The following COL8A1 variants were observed in gnomAD, a reference collection of about 807,000 sequenced individuals.
COL8A1 encodes the protein collagen type VIII alpha 1 chain.
In COL8A1, 21 loss-of-function variants were observed where a neutral mutation model predicts 42.7. The observed-to-expected ratio is 0.49, with a 90% CI of 0.35 to 0.71. The LOEUF (loss-of-function observed/expected upper bound fraction) is 0.71, where lower values mean the gene tolerates loss of function less well. Ranked by LOEUF, COL8A1 falls within the 30% of genes least tolerant of loss-of-function variation. The pLI, the probability that COL8A1 is intolerant of heterozygous loss-of-function variation, is 0.01. For synonymous variants in COL8A1, 367 were observed against 369.1 expected (o/e 0.99, Z 0.06); for missense variants, 788 against 962.4 (o/e 0.82, Z 2.40).
chr3:99,702,634 A>G (rs1052578894), intron 1 of COL8A1, among the ~76,000 whole-genome samples: 1 of 152,196 alleles, frequency 6.6e-6, no homozygotes, highest in Non-Finnish European at 1.5e-5. Flanking sequence ...TACTATTCTA[A>G]GTACTTTTAT....
intron 2 of COL8A1, among the ~76,000 whole-genome samples, chr3:99,754,294 T>C (rs1941211688): frequency 6.6e-6 from 1 of 152,200 alleles, no homozygotes; most frequent in Non-Finnish European, 1.5e-5. Flanking sequence ...AAAACCATAG[T>C]TTACATAGCT....
Position 99,794,477 on chromosome 3 carries a change from C to T in COL8A1, c.576C>T (p.Ile192=), listed in dbSNP as rs748861513. The change falls in exon 4 of 4, where the codon ATC becomes ATT. Residue 192 remains isoleucine (I), a synonymous_variant. Transcript: ENST00000652472. This position sits in a 1 kb window ranked among gnomAD's most constrained non-coding sequence, Gnocchi z 4.3. The stretch of plus-strand genomic sequence containing the variant: ...AAGGGGAAATTGGGCCTATGGGGAT[C>T]CCAGGACCACAAGGACCTCCAGGGC... ...GQKGEIGPMG[I]PGPQGPPGPH... is the part of the protein sequence containing the mutation. 6.2e-6 allele frequency: 10 copies of T among 1,613,880 alleles called. No individual in the cohort carries two copies. Among genetic ancestry groups the T allele is most frequent in the Non-Finnish European group, 7.6e-6 (9 of 1,179,958 alleles).
chr3:99,649,656 A>G (rs549757594), intron 1 of COL8A1, among the ~76,000 whole-genome samples: 1 of 152,308 alleles, frequency 6.6e-6, no homozygotes, highest in South Asian at 2.1e-4. Context: ...TGAAATGACC[A>G]ACACTACCCC....
chr3:99,643,298 C>A (rs1274896521), intron 1 of COL8A1, among the ~76,000 whole-genome samples: 6 of 152,180 alleles, frequency 3.9e-5, no homozygotes, highest in African/African-American at 1.2e-4. Flanking sequence ...ACAGCTATAC[C>A]TCTACTACCA....
rs149972658 is a variant in COL8A1 at position 99,688,835 on chromosome 3, C to T, written c.-129+50171C>T. Among the ~76,000 whole-genome samples the T allele has an allele frequency of 5.3e-4, 81 of 152,268 alleles. 1 individual carries two copies. The highest frequency in any genetic ancestry group is 9.6e-4 in the Non-Finnish European group (65 of 68,012). On this transcript the variant is annotated intron_variant, in intron 1 of 3. Transcript: ENST00000652472. Reference sequence around the variant, plus strand: ...AACTCAGGATTTCTCACCCTCAGCACTATTGAAATTTGGACCAGATATTTC... The same window carrying T: ...AACTCAGGATTTCTCACCCTCAGCATTATTGAAATTTGGACCAGATATTTC...
intron 1 of COL8A1, among the ~76,000 whole-genome samples, chr3:99,704,345 T>C (rs1326148211): frequency 6.6e-6 from 1 of 151,926 alleles, no homozygotes; most frequent in East Asian, 1.9e-4. Flanking sequence ...GTACTACACG[T>C]AGGATTTTCC....
At chr3:99,766,310 A>G (rs1165043828) in intron 2 of COL8A1, among the ~76,000 whole-genome samples, 1 of 152,214 alleles carries the variant, frequency 6.6e-6, no homozygotes, top group Non-Finnish European at 1.5e-5. Context: ...GGTGGCTAGG[A>G]CCCTGCAGCC....
At chr3:99,778,602 C>A (rs181550894) in intron 2 of COL8A1, among the ~76,000 whole-genome samples, 11 of 147,820 alleles carry the variant, frequency 7.4e-5, no homozygotes, top group Admixed American at 4.0e-4. Flanking sequence ...TCATTCTTTA[C>A]AGGGCTTTTA....
rs144199353 is a variant in COL8A1, at chr3:99,761,446, C to A, written c.-4+16425C>A. ...CTCAAAGCAGTCCCCAGCTGATTCT[C>A]GGAGTTGAAATTGAAATGGAAAGAA... On this transcript the variant is annotated intron_variant, in intron 2 of 3. Coordinates refer to ENST00000652472, the MANE Select transcript of COL8A1 (RefSeq NM_020351.4). 1.8e-4 allele frequency among the ~76,000 whole-genome samples: 28 copies of A among 152,238 alleles called. No individual in the cohort carries two copies. In the East Asian group the frequency reaches 5.4e-3, roughly 29 times the overall value.
At chr3:99,695,191 T>A (rs1939332476) in intron 1 of COL8A1, among the ~76,000 whole-genome samples, 1 of 152,172 alleles carries the variant, frequency 6.6e-6, no homozygotes, top group Admixed American at 6.5e-5. Flanking sequence ...TTAGCCAATA[T>A]TTCTCAAATA....
intron 1 of COL8A1, among the ~76,000 whole-genome samples, chr3:99,672,803 C>T (rs1938585418): frequency 6.6e-6 from 1 of 152,002 alleles, no homozygotes; most frequent in South Asian, 2.1e-4. Context: ...CACCTGTATG[C>T]TGATTATTCC....
intron 2 of COL8A1, among the ~76,000 whole-genome samples, chr3:99,759,602 A>G (rs1434011675): frequency 6.6e-6 from 1 of 152,226 alleles, no homozygotes; most frequent in Non-Finnish European, 1.5e-5. Context: ...AACACATGCC[A>G]AGATCAAATG....
chr3:99,644,050 C>T (rs566891834), intron 1 of COL8A1, among the ~76,000 whole-genome samples: 1 of 152,100 alleles, frequency 6.6e-6, no homozygotes, highest in Admixed American at 6.6e-5. Flanking sequence ...AGAGACAAGA[C>T]AGTGAAGCTA....
chr3:99,652,544 G>T (rs181955765), intron 1 of COL8A1, among the ~76,000 whole-genome samples: 1 of 152,184 alleles, frequency 6.6e-6, no homozygotes, highest in Non-Finnish European at 1.5e-5. Flanking sequence ...ACTAATCCAG[G>T]CTGAATCTTA....
chr3:99,671,582 C>T (rs1000293618), intron 1 of COL8A1, among the ~76,000 whole-genome samples: 1 of 151,762 alleles, frequency 6.6e-6, no homozygotes, highest in African/African-American at 2.4e-5. Context: ...TTTTCACCAA[C>T]ATCTTCCCAG....
chr3:99,716,080 T>C (rs1041345919), intron 1 of COL8A1, among the ~76,000 whole-genome samples: 4 of 152,088 alleles, frequency 2.6e-5, no homozygotes, highest in Admixed American at 2.6e-4. Flanking sequence ...CTGATTGCTA[T>C]GTGATACACA....
chr3:99,675,081 G>T (rs1463906871), intron 1 of COL8A1, among the ~76,000 whole-genome samples: 1 of 151,888 alleles, frequency 6.6e-6, no homozygotes, highest in Non-Finnish European at 1.5e-5. Flanking sequence ...CTCTGGTTTG[G>T]TTATTTCTGA....
At chr3:99,681,899 G>T (rs1390701985) in intron 1 of COL8A1, among the ~76,000 whole-genome samples, 1 of 152,182 alleles carries the variant, frequency 6.6e-6, no homozygotes, top group Non-Finnish European at 1.5e-5. Context: ...AGAAGACTAA[G>T]AGTCACCATA....
intron 1 of COL8A1, among the ~76,000 whole-genome samples, chr3:99,690,921 C>T (rs531955): frequency 0.68 from 102,738 of 152,128 alleles, 35,109 homozygotes; most frequent in East Asian, 0.8. Flanking sequence ...TGCAACAAAT[C>T]TAATTTTCCT....
Sources: gnomAD v4.1 joint callset for allele counts (sites outside exome capture counted in the v4.1 genomes callset) on GRCh38, gnomAD v4.1.1 for gene constraint, Gnocchi (gnomAD v3.1) non-coding constraint, MANE v1.5 for transcripts, NCBI Gene and HGNC (gene_info 2026-07-23, HGNC 2026-07-21) for gene names.